Variants in ZNF750 observed in about 807,000 individuals in gnomAD.
The protein encoded by ZNF750 is protein ZNF750.
Under a neutral mutation model 31.6 loss-of-function variants are expected in ZNF750, and 10 were observed. That is an observed-to-expected ratio of 0.32 (90% CI 0.19 to 0.54). The LOEUF (loss-of-function observed/expected upper bound fraction) is 0.54. Ranked by LOEUF, ZNF750 falls within the 20% of genes least tolerant of loss-of-function variation. The pLI, the probability that ZNF750 is intolerant of heterozygous loss-of-function variation, is 0.95. For missense variants in ZNF750, 914 were observed against 934.9 expected, an observed-to-expected ratio of 0.98 and a Z score of 0.29; for synonymous variants, 400 against 404.9, an observed-to-expected ratio of 0.99 and a Z score of 0.15.
Position 82,830,025 on chromosome 17 carries a change from GAAGC to G in ZNF750, c.*113_*116del, listed in dbSNP as rs1212322982. On this transcript the variant is annotated 3_prime_UTR_variant, in exon 3 of 3. Transcript: ENST00000269394. ...TTTGTTTGTTTGTTTGTTTTTTTGA[GAAGC>G]AGCAGCTGCATTTGTAAAAATGTGA... 6.7e-7 allele frequency: 1 copy of G among 1,492,626 alleles called. No homozygotes were observed. Among genetic ancestry groups the G allele is most frequent in the African/African-American group, 1.4e-5 (1 of 71,858 alleles). 92.5% of individuals were successfully genotyped at this position (1,492,626 alleles called of 1,614,324 possible).
At chr17:82,836,695 AAAAC>A (rs570529654) in intron 1 of ZNF750, among the ~76,000 whole-genome samples, 2,573 of 148,880 alleles carry the variant, frequency 0.017, 73 homozygotes, top group African/African-American at 0.059. Context: ...GGCAAAAAAA[AAAAC>A]AAAACAAAAC....
chr17:82,831,334 T>C lies in ZNF750; in HGVS notation c.1121A>G (p.His374Arg), dbSNP rs1300666167. 1.2e-6 allele frequency: 2 copies of C among 1,613,776 alleles called. No homozygotes were observed. The highest frequency in any genetic ancestry group is 2.7e-5 in the African/African-American group (2 of 74,850). Residue 374 changes from histidine to arginine, a missense_variant, in exon 2 of 3, where the codon CAC (histidine) becomes CGC (arginine). By Grantham distance (29) the His-to-Arg change is conservative. This residue lies in a region of ZNF750 where 880 missense variants were observed against 868.9 expected (regional missense o/e 1.01). Transcript: ENST00000269394. The surrounding 1 kb of genome is among the most constrained non-coding windows in gnomAD (Gnocchi z 4.6). The stretch of plus-strand genomic sequence containing the variant: ...AGGAATTGGACTTTCGAACTCGACG[T>C]GTTTTCTGTTGGGGTCCGAAGGGTT... ...RLNPSDPNRKHVEFESPIPEA... is the reference protein window; with the variant it reads ...RLNPSDPNRKRVEFESPIPEA...
At chr17:82,838,754 T>G (rs1249349980) in intron 1 of ZNF750, 1 of 985,268 alleles carries the variant, frequency 1.0e-6, no homozygotes, top group East Asian at 1.1e-4. Flanking sequence ...GGGAATGTAA[T>G]TTGGAAGAAT....
intron 1 of ZNF750, among the ~76,000 whole-genome samples, chr17:82,837,368 C>G (rs1213085396): frequency 6.6e-6 from 1 of 152,160 alleles, no homozygotes; most frequent in African/African-American, 2.4e-5. Context: ...TAAATATTCC[C>G]AAAAGAGTAT....
At position 82,830,138 on chromosome 17, in the gene ZNF750, G is replaced by A. The variant is rs773745091; in HGVS notation, c.*4C>T. The A allele has an allele frequency of 2.5e-6, 4 of 1,613,466 alleles. No individual in the cohort carries two copies. Among genetic ancestry groups the A allele is most frequent in the East Asian group, 2.2e-5 (1 of 44,884 alleles). ...GCTCTGTGAACACACGTGTGAACCC[G>A]GCGTTAGGACACCCGGGCCCTCCTT... is the stretch of plus-strand genomic sequence containing the variant. On this transcript the variant is annotated 3_prime_UTR_variant, in exon 3 of 3. Coordinates refer to ENST00000269394, the MANE Select transcript of ZNF750 (RefSeq NM_024702.3).
rs145716788 is a variant in ZNF750 at position 82,831,161 on chromosome 17, C to G, written c.1294G>C (p.Asp432His). Reference protein sequence around the residue: ...QTSQTCEGLYDLSNKAASSAL... With the variant: ...QTSQTCEGLYHLSNKAASSAL... ...CTGGAGGCTGCCTTGTTGGAGAGGT[C>G]GTACAGGCCTTCGCAGGTCTGGCTC... Residue 432 changes from aspartate to histidine, a missense_variant, in exon 2 of 3, where the codon GAC (aspartate) becomes CAC (histidine). By Grantham distance (81) the Asp-to-His change is moderately conservative. Around this residue, in one of 2 missense-constraint regions of ZNF750, gnomAD observed 880 missense variants for 868.9 expected, o/e 1.01. Coordinates refer to ENST00000269394, the MANE Select transcript of ZNF750 (RefSeq NM_024702.3). This position sits in a 1 kb window ranked among gnomAD's most constrained non-coding sequence, Gnocchi z 4.6. 1.1e-3 allele frequency: 1,720 copies of G among 1,614,116 alleles called. 1 individual carries two copies. Among genetic ancestry groups the G allele is most frequent in the Non-Finnish European group, 1.3e-3 (1,559 of 1,180,036 alleles).
chr17:82,838,825 A>G (rs1188423636), intron 1 of ZNF750: 1 of 985,338 alleles, frequency 1.0e-6, no homozygotes, highest in African/African-American at 1.7e-5. Context: ...CCCGAGTTAC[A>G]GACCTGAGCT....
In ZNF750 at chr17:82,831,870, G is replaced by A; in HGVS notation, c.585C>T (p.His195=). 6.2e-7 allele frequency: 1 copy of A among 1,614,234 alleles called. No homozygotes were observed. The highest frequency in any genetic ancestry group is 8.5e-7 in the Non-Finnish European group (1 of 1,180,036). Residue 195 remains histidine (H), a synonymous_variant, in exon 2 of 3, where the codon CAC becomes CAT. Transcript: ENST00000269394. This position sits in a 1 kb window ranked among gnomAD's most constrained non-coding sequence, Gnocchi z 4.6. ...CAGGAGTGTGGAAGGCCGACTTGGT[G>A]TGGAAAGACACGGCCTTGGCAGTGG... ...HNPTAKAVSF[H]TKSAFHTPGY... is the part of the protein sequence containing the mutation.
intron 1 of ZNF750, among the ~76,000 whole-genome samples, chr17:82,834,531 C>G (rs1048056993): frequency 6.6e-6 from 1 of 152,126 alleles, no homozygotes; most frequent in Non-Finnish European, 1.5e-5. Flanking sequence ...GAATACTGTG[C>G]AGCCATAAAA....
chr17:82,830,915 T>C, intron 2 of ZNF750, 38 bp from the exon 3 acceptor site: 5 of 1,613,042 alleles, frequency 3.1e-6, no homozygotes, highest in African/African-American at 2.7e-5. Context: ...AGGAGCTTGC[T>C]TAGAAAAGCA....
chr17:82,833,584 C>T lies in ZNF750; in HGVS notation c.-182-948G>A, dbSNP rs865974997. On this transcript the variant is annotated intron_variant, in intron 1 of 2. Transcript: ENST00000269394. The surrounding 1 kb of genome is among the most constrained non-coding windows in gnomAD (Gnocchi z 4.7). Reference sequence around the variant, plus strand: ...AGCAGCATTGTGAGACATGCTTTCACGGTCACCCGGTTCCTGCTGGCCAGG... The same window carrying T: ...AGCAGCATTGTGAGACATGCTTTCATGGTCACCCGGTTCCTGCTGGCCAGG... Among the ~76,000 whole-genome samples, 10 of 152,204 alleles carry T rather than the reference C, an allele frequency of 6.6e-5. No homozygotes were observed. Among genetic ancestry groups the T allele is most frequent in the Admixed American group, 3.3e-4 (5 of 15,284 alleles).
chr17:82,835,613 T>C lies in ZNF750; in HGVS notation c.-182-2977A>G, dbSNP rs1375949468. ...AATTTTTTTGTAATTTTAGTAGAGATGGGGTTTCACTATGTTGGCCCGGCT... is the reference window on the plus strand; with the variant it reads ...AATTTTTTTGTAATTTTAGTAGAGACGGGGTTTCACTATGTTGGCCCGGCT... On this transcript the variant is annotated intron_variant, in intron 1 of 2. Coordinates refer to ENST00000269394, the MANE Select transcript of ZNF750 (RefSeq NM_024702.3). This position sits in a 1 kb window ranked among gnomAD's most constrained non-coding sequence, Gnocchi z 4.5. 6.6e-6 allele frequency among the ~76,000 whole-genome samples: 1 copy of C among 151,874 alleles called. No homozygotes were observed. Among genetic ancestry groups the C allele is most frequent in the Non-Finnish European group, 1.5e-5 (1 of 67,980 alleles).
rs1013739879 is a variant in ZNF750 at position 82,838,918 on chromosome 17, G to A, written c.-183+1009C>T. 21 of 985,268 alleles carry A rather than the reference G, an allele frequency of 2.1e-5. No homozygotes were observed. The South Asian group carries it at 2.3e-4, about 11-fold the overall frequency. The allele number at this position is 985,268 out of a possible 1,614,324, so 61.0% of individuals were successfully genotyped here. On this transcript the variant is annotated intron_variant, in intron 1 of 2. Transcript: ENST00000269394. ...AATGCTGGAAGGCCTTTGCTAATGCGCAGTGAAAATTAGGGGCACAGATGT... is the reference window on the plus strand; with the variant it reads ...AATGCTGGAAGGCCTTTGCTAATGCACAGTGAAAATTAGGGGCACAGATGT...
chr17:82,830,881 GAAGAAGCC>G lies in ZNF750; in HGVS notation c.1437-12_1437-5del. 1 of 1,612,706 alleles carries G rather than the reference GAAGAAGCC, an allele frequency of 6.2e-7. No homozygotes were observed. Among genetic ancestry groups the G allele is most frequent in the South Asian group, 1.1e-5 (1 of 91,078 alleles). On this transcript the variant is annotated splice_region_variant and splice_polypyrimidine_tract_variant and intron_variant, in intron 2 of 2. Transcript: ENST00000269394. ...GTCTCCGTTCACAACATTGAGGCTA[GAAGAAGCC>G]AAGAAAAAGCTTAGTAGGAGCTTGC...
Position 82,831,324 on chromosome 17 carries a change from G to A in ZNF750, c.1131C>T (p.Phe377=), listed in dbSNP as rs371946502. The A allele has an allele frequency of 8.7e-6, 14 of 1,613,926 alleles. No homozygotes were observed. The highest frequency in any genetic ancestry group is 1.1e-5 in the South Asian group (1 of 91,074). Residue 377 remains phenylalanine, a synonymous_variant, in exon 2 of 3, where the codon TTC becomes TTT. Coordinates refer to ENST00000269394, the MANE Select transcript of ZNF750 (RefSeq NM_024702.3). The surrounding 1 kb of genome is among the most constrained non-coding windows in gnomAD (Gnocchi z 4.6). ...PSDPNRKHVE[F]ESPIPEAKDS... ...CTTTAGCCTCAGGAATTGGACTTTC[G>A]AACTCGACGTGTTTTCTGTTGGGGT...
In ZNF750 at chr17:82,835,269, C is replaced by T. The variant is rs1054300106; in HGVS notation, c.-182-2633G>A. On this transcript the variant is annotated intron_variant, in intron 1 of 2. Transcript: ENST00000269394. This position sits in a 1 kb window ranked among gnomAD's most constrained non-coding sequence, Gnocchi z 4.5. ...GGAGGCAGCTGTCCCTGAAGCAAGG[C>T]GCCACCCCTCCTCCCTGCACCCGTG... 2.0e-5 allele frequency among the ~76,000 whole-genome samples: 3 copies of T among 152,104 alleles called. No homozygotes were observed. Among genetic ancestry groups the T allele is most frequent in the Non-Finnish European group, 4.4e-5 (3 of 68,002 alleles).
chr17:82,830,700 C>T lies in ZNF750; in HGVS notation c.1614G>A (p.Ala538=), dbSNP rs1379427763. 6.2e-6 allele frequency: 10 copies of T among 1,613,940 alleles called. No individual in the cohort carries two copies. Among genetic ancestry groups the T allele is most frequent in the East Asian group, 2.2e-5 (1 of 44,878 alleles). Residue 538 remains alanine (A), a synonymous_variant, in exon 3 of 3, where the codon GCG becomes GCA. Transcript: ENST00000269394. ...HEPTYQGSPQ[A]ETASFSELQD... The stretch of plus-strand genomic sequence containing the variant: ...GCAGCTCTGAGAAGCTGGCGGTTTC[C>T]GCCTGGGGGCTGCCTTGGTACGTGG...
At chr17:82,838,200 A>G (rs773234377) in intron 1 of ZNF750, among the ~76,000 whole-genome samples, 1 of 152,184 alleles carries the variant, frequency 6.6e-6, no homozygotes, top group African/African-American at 2.4e-5. Context: ...TTGCCAATAT[A>G]CTGTCTTTCC....
chr17:82,831,519 G>A lies in ZNF750; in HGVS notation c.936C>T (p.Pro312=), dbSNP rs754934184. Residue 312 remains proline (P), a synonymous_variant, in exon 2 of 3, where the codon CCC becomes CCT. Transcript: ENST00000269394. The surrounding 1 kb of genome is among the most constrained non-coding windows in gnomAD (Gnocchi z 4.6). ...ATCCGTAAGGAATCGGCAGGTTAGA[G>A]GGATATTGCTGGAAAAACCTGTAGT... ...YDHYRFFQQY[P]SNLPIPYGFY... 3.7e-5 allele frequency: 60 copies of A among 1,614,160 alleles called. 1 individual carries two copies. In the Middle Eastern group the frequency reaches 1.5e-3, roughly 40 times the overall value.
Sources: gnomAD v4.1 joint callset for allele counts (sites outside exome capture counted in the v4.1 genomes callset) on GRCh38, gnomAD v4.1.1 for gene constraint, gnomAD v4.1.1 regional missense constraint, Gnocchi (gnomAD v3.1) non-coding constraint, MANE v1.5 for transcripts, NCBI Gene and HGNC (gene_info 2026-07-23, HGNC 2026-07-21) for gene names.